The following CYREN variants were observed in gnomAD, a reference collection of about 807,000 sequenced individuals.
CYREN encodes the protein cell cycle regulator of non-homologous end joining.
A neutral mutation model predicts 9.7 loss-of-function variants in CYREN; 7 were observed. That is an observed-to-expected ratio of 0.72 (90% CI 0.41 to 1.36). The LOEUF is 1.36. Ranked by LOEUF, CYREN falls within the 40% of genes most tolerant of loss-of-function variation. CYREN has a pLI of 0.01. For synonymous variants in CYREN, 76 were observed against 77.9 expected (o/e 0.98, Z 0.13); for missense variants, 215 against 198.1 (o/e 1.09, Z -0.51).
chr7:135,142,077 C>G (rs989442067), intron 2 of CYREN, among the ~76,000 whole-genome samples: 2 of 151,972 alleles, frequency 1.3e-5, no homozygotes, highest in Non-Finnish European at 2.9e-5. Context: ...GGTCAAGTGT[C>G]AAGTTTAGTT....
At chr7:135,168,301 C>CACCA (rs1562932089) in intron 2 of CYREN, 1 of 35,184 alleles carries the variant, frequency 2.8e-5, no homozygotes, top group African/African-American at 7.9e-5. Flanking sequence ...ACCCCCCCCC[C>CACCA]GCCCCCCCCC....
chr7:135,167,994 A>T, intron 2 of CYREN, 187 bp from the exon 3 acceptor site: 1 of 1,012,210 alleles, frequency 9.9e-7, no homozygotes, highest in Non-Finnish European at 1.4e-6. Context: ...TGACTGGCAC[A>T]GGGCTTCATG....
chr7:135,144,760 T>TAA (rs1829511837), intron 2 of CYREN, among the ~76,000 whole-genome samples: 1 of 146,808 alleles, frequency 6.8e-6, no homozygotes, highest in African/African-American at 2.5e-5. Context: ...TACCAAAAAA[T>TAA]TAATAATAAT....
rs111968031 is a variant in CYREN, at chr7:135,159,526, A to G, written n.356+9223T>C. ...TTTAAGCAGAAATCATCTCCCTCCT[A>G]AGGCCCTGCTCAGGCTGTAACTCTT... is the stretch of plus-strand genomic sequence containing the variant. On this transcript the variant is annotated intron_variant and non_coding_transcript_variant, in intron 2 of 2. Coordinates refer to the CYREN transcript ENST00000459937. 2.0e-3 allele frequency among the ~76,000 whole-genome samples: 312 copies of G among 152,252 alleles called. 4 individuals carry two copies. Among genetic ancestry groups the G allele is most frequent in the African/African-American group, 6.9e-3 (287 of 41,546 alleles).
chr7:135,169,258 C>G (rs180868977), intron 1 of CYREN, 198 bp from the exon 2 acceptor site: 245 of 185,108 alleles, frequency 1.3e-3, no homozygotes, highest in Middle Eastern at 8.2e-3. Flanking sequence ...CTGGTGCCCC[C>G]TACAGGCAGC....
At chr7:135,149,482 C>A (rs1829619357) in intron 2 of CYREN, among the ~76,000 whole-genome samples, 1 of 152,158 alleles carries the variant, frequency 6.6e-6, no homozygotes, top group Non-Finnish European at 1.5e-5. Flanking sequence ...TAATGCTGTG[C>A]TGAACATTCC....
intron 2 of CYREN, among the ~76,000 whole-genome samples, chr7:135,149,381 T>C (rs1003659527): frequency 1.3e-5 from 2 of 152,232 alleles, no homozygotes; most frequent in African/African-American, 4.8e-5. Flanking sequence ...TACCTGCTTT[T>C]TCTAAAAGAT....
intron 2 of CYREN, chr7:135,168,240 C>A (rs547114185): frequency 1.1e-5 from 2 of 183,854 alleles, no homozygotes; most frequent in Non-Finnish European, 2.2e-5. Flanking sequence ...GAGAGGGAAA[C>A]ACCGAGTGCT....
At chr7:135,156,853 C>T (rs528134705) in intron 2 of CYREN, among the ~76,000 whole-genome samples, 10 of 152,226 alleles carry the variant, frequency 6.6e-5, no homozygotes, top group Admixed American at 4.6e-4. Flanking sequence ...GAGGGGACGC[C>T]AGGGGAGGTA....
chr7:135,163,702 C>T (rs531185480), downstream of CYREN, among the ~76,000 whole-genome samples: 18 of 152,260 alleles, frequency 1.2e-4, no homozygotes, highest in African/African-American at 4.1e-4. Context: ...CTACCATTGT[C>T]AGGAAAAAAT....
intron 2 of CYREN, among the ~76,000 whole-genome samples, chr7:135,108,821 T>C (rs1825167677): frequency 6.6e-6 from 1 of 152,194 alleles, no homozygotes; most frequent in African/African-American, 2.4e-5. Flanking sequence ...GGGATGCAAA[T>C]GATTCATAAA....
At chr7:135,119,613 C>T (rs142417351) in intron 2 of CYREN, among the ~76,000 whole-genome samples, 2,413 of 151,812 alleles carry the variant, frequency 0.016, 50 homozygotes, top group African/African-American at 0.053. Flanking sequence ...CACAGTGGCT[C>T]ATGCCTGTAA....
intron 2 of CYREN, among the ~76,000 whole-genome samples, chr7:135,130,728 C>A (rs1470282775): frequency 1.3e-5 from 2 of 151,982 alleles, no homozygotes; most frequent in African/African-American, 4.8e-5. Context: ...CACTGTAGTT[C>A]CAGTCCTAAT....
intron 2 of CYREN, among the ~76,000 whole-genome samples, chr7:135,145,732 G>A (rs1189881299): frequency 6.6e-6 from 1 of 152,174 alleles, no homozygotes; most frequent in Admixed American, 6.5e-5. Flanking sequence ...CTCAGCTGCT[G>A]TAAATGGTAT....
chr7:135,145,282 C>A (rs1465881170), intron 2 of CYREN, among the ~76,000 whole-genome samples: 1 of 152,132 alleles, frequency 6.6e-6, no homozygotes, highest in Non-Finnish European at 1.5e-5. Flanking sequence ...AAGATATTTT[C>A]AGTTTTGTAA....
chr7:135,112,769 T>C (rs1382841119), intron 2 of CYREN, among the ~76,000 whole-genome samples: 1 of 152,190 alleles, frequency 6.6e-6, no homozygotes, highest in Non-Finnish European at 1.5e-5. Context: ...AAGCATTCAC[T>C]GAATGTTTAT....
chr7:135,172,250 G>A (rs576417650), upstream of CYREN, among the ~76,000 whole-genome samples: 2 of 152,346 alleles, frequency 1.3e-5, no homozygotes, highest in Admixed American at 1.3e-4. Context: ...AACGTGGCCT[G>A]ATCACCCACA....
intron 2 of CYREN, among the ~76,000 whole-genome samples, chr7:135,159,986 T>TA: frequency 6.6e-6 from 1 of 152,218 alleles, no homozygotes; most frequent in Non-Finnish European, 1.5e-5. Flanking sequence ...CATAGCATTA[T>TA]AAAATAATGT....
At chr7:135,129,231 C>A in intron 2 of CYREN, 5 of 1,465,812 alleles carry the variant, frequency 3.4e-6, no homozygotes, top group Non-Finnish European at 4.8e-6. Context: ...GATGCAGGAG[C>A]CTGGCTACAT....
Sources: gnomAD v4.1 joint callset for allele counts (sites outside exome capture counted in the v4.1 genomes callset) on GRCh38, gnomAD v4.1.1 for gene constraint, MANE v1.5 for transcripts, NCBI Gene and HGNC (gene_info 2026-07-23, HGNC 2026-07-21) for gene names.